The following CPA6 variants were observed in gnomAD, a reference collection of about 807,000 sequenced individuals.
The protein encoded by CPA6 is carboxypeptidase B.
A neutral mutation model predicts 63.3 loss-of-function variants in CPA6; 58 were observed. The ratio of observed to expected loss-of-function variants is 0.92; its 90% confidence interval spans 0.74 to 1.14. The LOEUF (loss-of-function observed/expected upper bound fraction) is 1.14. CPA6 is among the 50% of genes most tolerant of loss of function. CPA6 has a pLI of 0.00. For synonymous variants in CPA6, 185 were observed against 179.0 expected (o/e 1.03, Z -0.27); for missense variants, 565 against 526.6 (o/e 1.07, Z -0.71).
At chr8:67,547,606 C>T (rs1812846747) in intron 2 of CPA6, among the ~76,000 whole-genome samples, 1 of 151,840 alleles carries the variant, frequency 6.6e-6, no homozygotes, top group Non-Finnish European at 1.5e-5. Context: ...GCAAACCTCC[C>T]ACCTCAGCCT....
chr8:67,521,865 G>T (rs1318338298), intron 2 of CPA6, among the ~76,000 whole-genome samples: 1 of 152,184 alleles, frequency 6.6e-6, no homozygotes, highest in Non-Finnish European at 1.5e-5. Context: ...TCTGATCTAG[G>T]TTCCCATTTA....
chr8:67,692,920 C>A (rs762070991), intron 1 of CPA6, among the ~76,000 whole-genome samples: 2 of 152,102 alleles, frequency 1.3e-5, no homozygotes, highest in Non-Finnish European at 2.9e-5. Context: ...ACGAGTCATA[C>A]CCATTAGCAT....
At chr8:67,654,450 C>T (rs1404111291) in intron 1 of CPA6, among the ~76,000 whole-genome samples, 1 of 152,158 alleles carries the variant, frequency 6.6e-6, no homozygotes, top group Admixed American at 6.5e-5. Flanking sequence ...AGAGATTCAA[C>T]TTCTTCCTGG....
Position 67,431,351 on chromosome 8 carries a change from C to T in CPA6, c.1041+2687G>A, listed in dbSNP as rs370015643. 1.9e-3 allele frequency among the ~76,000 whole-genome samples: 287 copies of T among 152,162 alleles called. 2 individuals are homozygous for T. Among genetic ancestry groups the T allele is most frequent in the African/African-American group, 6.6e-3 (272 of 41,498 alleles). On this transcript the variant is annotated intron_variant, in intron 9 of 10. Coordinates refer to ENST00000297770, the MANE Select transcript of CPA6 (RefSeq NM_020361.5). ...CACCTCCCAGGTTCAAGTGATTCTC[C>T]TGCCTCAGCCTCCCAAGTAGCTGGG... is the stretch of plus-strand genomic sequence containing the variant.
At chr8:67,559,863 A>ATATATATATATC (rs1224348831) in intron 2 of CPA6, among the ~76,000 whole-genome samples, 31 of 119,322 alleles carry the variant, frequency 2.6e-4, no homozygotes, top group Non-Finnish European at 4.8e-4. Flanking sequence ...ATATATATAT[A>ATATATATATATC]TATGTATACA....
chr8:67,449,908 C>T lies in CPA6; in HGVS notation c.839-15668G>A, dbSNP rs549197947. 7.3e-5 allele frequency among the ~76,000 whole-genome samples: 11 copies of T among 151,520 alleles called. No homozygotes were observed. In the South Asian group the frequency reaches 1.0e-3, roughly 14 times the overall value. On this transcript the variant is annotated intron_variant, in intron 8 of 10. Coordinates refer to ENST00000297770, the MANE Select transcript of CPA6 (RefSeq NM_020361.5). Reference sequence around the variant, plus strand: ...TGAGCTCACTGCAACCTCCACCTCCCGGGTTCAAGCGATTCTCATGCCTCA... The same window carrying T: ...TGAGCTCACTGCAACCTCCACCTCCTGGGTTCAAGCGATTCTCATGCCTCA...
intron 1 of CPA6, among the ~76,000 whole-genome samples, chr8:67,712,869 C>A (rs1005356293): frequency 1.3e-4 from 19 of 151,628 alleles, no homozygotes; most frequent in Admixed American, 3.3e-4. Flanking sequence ...TGTACACGGA[C>A]CCGCCTGTGA....
intron 8 of CPA6, among the ~76,000 whole-genome samples, chr8:67,481,225 T>G (rs1455610353): frequency 2.6e-5 from 4 of 152,224 alleles, no homozygotes; most frequent in Non-Finnish European, 5.9e-5. Flanking sequence ...ATTTGGAAAA[T>G]CAGTGCTTAC....
chr8:67,568,994 A>C (rs1057199985), intron 2 of CPA6, among the ~76,000 whole-genome samples: 1 of 152,076 alleles, frequency 6.6e-6, no homozygotes, highest in African/African-American at 2.4e-5. Flanking sequence ...CAGGTGATCC[A>C]CCCACCTTGG....
intron 1 of CPA6, among the ~76,000 whole-genome samples, chr8:67,652,209 G>T (rs894678811): frequency 2.6e-5 from 4 of 152,166 alleles, no homozygotes; most frequent in African/African-American, 9.7e-5. Flanking sequence ...ACATACGTGT[G>T]CATGTGTCTT....
At chr8:67,515,090 G>A (rs907409353) in intron 3 of CPA6, among the ~76,000 whole-genome samples, 4 of 152,092 alleles carry the variant, frequency 2.6e-5, no homozygotes, top group Non-Finnish European at 5.9e-5. Context: ...CAGACCATCA[G>A]CCCACCCCAG....
chr8:67,650,833 AG>A (rs1425302461), intron 1 of CPA6, among the ~76,000 whole-genome samples: 7 of 152,160 alleles, frequency 4.6e-5, no homozygotes, highest in Non-Finnish European at 1.0e-4. Flanking sequence ...GGTTGCCAGC[AG>A]GGGACCACTT....
intron 1 of CPA6, among the ~76,000 whole-genome samples, chr8:67,713,482 G>A (rs12680848): frequency 6.6e-6 from 1 of 152,082 alleles, no homozygotes; most frequent in African/African-American, 2.4e-5. Context: ...CCTAACAAGC[G>A]ATTTATTCCA....
At chr8:67,709,042 G>A (rs1817198089) in intron 1 of CPA6, among the ~76,000 whole-genome samples, 3 of 152,178 alleles carry the variant, frequency 2.0e-5, no homozygotes, top group South Asian at 4.1e-4. Flanking sequence ...GGGAAAGTGT[G>A]CTCAAGCATG....
intron 2 of CPA6, among the ~76,000 whole-genome samples, chr8:67,611,886 T>C (rs1325711405): frequency 6.6e-6 from 1 of 152,202 alleles, no homozygotes; most frequent in Non-Finnish European, 1.5e-5. Context: ...ACCCTTCTGA[T>C]AGAGGGGAAG....
At chr8:67,591,152 C>A (rs1165551000) in intron 2 of CPA6, among the ~76,000 whole-genome samples, 1 of 152,110 alleles carries the variant, frequency 6.6e-6, no homozygotes, top group Non-Finnish European at 1.5e-5. Flanking sequence ...AATCCTTTCC[C>A]CATTGCTTGT....
At chr8:67,712,077 T>C (rs1350886998) in intron 1 of CPA6, among the ~76,000 whole-genome samples, 1 of 152,162 alleles carries the variant, frequency 6.6e-6, no homozygotes, top group Non-Finnish European at 1.5e-5. Flanking sequence ...CACTGATATG[T>C]GCGCTTGTGC....
At chr8:67,696,966 T>C (rs905948627) in intron 1 of CPA6, among the ~76,000 whole-genome samples, 2 of 152,216 alleles carry the variant, frequency 1.3e-5, no homozygotes, top group African/African-American at 4.8e-5. Flanking sequence ...AACTGCATAC[T>C]TGAGTGATTT....
At chr8:67,449,810 C>CTTTT (rs35803454) in intron 8 of CPA6, among the ~76,000 whole-genome samples, 1 of 124,282 alleles carries the variant, frequency 8.0e-6, no homozygotes, top group African/African-American at 3.1e-5. Flanking sequence ...CAAGCCATCT[C>CTTTT]TTTTTTTTTT....
Sources: allele counts gnomAD v4.1 joint callset (sites outside exome capture counted in the v4.1 genomes callset), GRCh38; gene constraint gnomAD v4.1.1; transcripts MANE v1.5; gene names NCBI Gene and HGNC (gene_info 2026-07-23, HGNC 2026-07-21).